The following CNTN4 variants were observed in gnomAD, a reference collection of about 807,000 sequenced individuals.
CNTN4 encodes contactin-4.
CNTN4 carries 77 observed loss-of-function variants against 122.5 expected under a neutral mutation model. The ratio of observed to expected loss-of-function variants is 0.63; its 90% CI spans 0.52 to 0.76. The LOEUF is 0.76. CNTN4 is among the 30% of genes least tolerant of loss of function. CNTN4 has a pLI of 0.00. For missense variants in CNTN4, 1,256 were observed against 1,259.1 expected (o/e 1.00, Z 0.04); for synonymous variants, 512 against 447.0 (o/e 1.15, Z -1.83).
intron 2 of CNTN4, among the ~76,000 whole-genome samples, chr3:2,275,878 C>T (rs1197057701): frequency 1.4e-5 from 2 of 144,548 alleles, no homozygotes; most frequent in East Asian, 4.0e-4. Context: ...CGAGATTGTG[C>T]CACTGCACTC....
chr3:2,378,821 A>G (rs2045915737), intron 3 of CNTN4, among the ~76,000 whole-genome samples: 1 of 151,896 alleles, frequency 6.6e-6, no homozygotes, highest in African/African-American at 2.4e-5. Flanking sequence ...TAGGAAGAGG[A>G]GAATTTGTGT....
chr3:2,377,410 C>A (rs546717459), intron 3 of CNTN4, among the ~76,000 whole-genome samples: 1 of 152,320 alleles, frequency 6.6e-6, no homozygotes, highest in East Asian at 1.9e-4. Context: ...CTAGCTTCCT[C>A]ACCCACACAC....
chr3:2,848,102 T>C (rs749683735), intron 7 of CNTN4, among the ~76,000 whole-genome samples: 3 of 151,992 alleles, frequency 2.0e-5, no homozygotes, highest in Admixed American at 6.6e-5. Flanking sequence ...AAAAAAAATA[T>C]TAGCTGGGCA....
intron 2 of CNTN4, among the ~76,000 whole-genome samples, chr3:2,229,237 G>T (rs1353185680): frequency 1.3e-5 from 2 of 152,156 alleles, no homozygotes; most frequent in African/African-American, 2.4e-5. Context: ...CACAGTAAAT[G>T]ATTATTGCAT....
intron 6 of CNTN4, among the ~76,000 whole-genome samples, chr3:2,753,453 C>A (rs993137421): frequency 6.6e-6 from 1 of 152,168 alleles, no homozygotes; most frequent in African/African-American, 2.4e-5. Context: ...GTTCTCAACA[C>A]AACCCAATGA....
At chr3:2,851,448 T>C (rs2093548944) in intron 7 of CNTN4, among the ~76,000 whole-genome samples, 1 of 152,204 alleles carries the variant, frequency 6.6e-6, no homozygotes. Context: ...ATAGATCAAT[T>C]AAAACTCCTT....
chr3:2,939,876 C>T (rs1173227314), intron 13 of CNTN4, among the ~76,000 whole-genome samples: 1 of 152,226 alleles, frequency 6.6e-6, no homozygotes, highest in South Asian at 2.1e-4. Context: ...CCATTCCCAG[C>T]TCTCTGTTCA....
At chr3:2,714,486 A>T (rs562833412) in intron 4 of CNTN4, among the ~76,000 whole-genome samples, 2 of 152,188 alleles carry the variant, frequency 1.3e-5, no homozygotes, top group African/African-American at 4.8e-5. Context: ...TATGCCAAAA[A>T]AGAACCTAAG....
chr3:2,447,030 T>G lies in CNTN4; in HGVS notation c.-89+107797T>G, dbSNP rs545455604. On this transcript the variant is annotated intron_variant, in intron 3 of 24. Transcript: ENST00000418658. Reference sequence around the variant, plus strand: ...ATGCAACAAAAGACATGTCATATTTTATCTTTCAATTTAAGAAAAAATTAT... The same window carrying G: ...ATGCAACAAAAGACATGTCATATTTGATCTTTCAATTTAAGAAAAAATTAT... 5.3e-5 allele frequency among the ~76,000 whole-genome samples: 8 copies of G among 152,342 alleles called. No homozygotes were observed. In the South Asian group the frequency reaches 1.7e-3, roughly 32 times the overall value.
At chr3:2,871,613 A>G (rs1200418464) in intron 8 of CNTN4, among the ~76,000 whole-genome samples, 3 of 152,142 alleles carry the variant, frequency 2.0e-5, no homozygotes, top group Non-Finnish European at 4.4e-5. Flanking sequence ...ATGCAATTTT[A>G]TATCTTTATT....
At chr3:2,100,820 T>C (rs957699740) in intron 2 of CNTN4, among the ~76,000 whole-genome samples, 181 bp downstream of exon 2, 2 of 152,224 alleles carry the variant, frequency 1.3e-5, no homozygotes, top group African/African-American at 4.8e-5. Flanking sequence ...TCAACTGCTC[T>C]GTCTTGTTGA....
intron 3 of CNTN4, among the ~76,000 whole-genome samples, chr3:2,379,685 T>G (rs2045945889): frequency 6.6e-6 from 1 of 152,226 alleles, no homozygotes; most frequent in African/African-American, 2.4e-5. Context: ...TTTTTCAGGC[T>G]ATTTGATCTT....
chr3:2,324,502 T>G (rs530790587), intron 2 of CNTN4, among the ~76,000 whole-genome samples: 1 of 152,298 alleles, frequency 6.6e-6, no homozygotes, highest in Non-Finnish European at 1.5e-5. Context: ...GTGCTTTCTT[T>G]TGGGTATTGT....
At chr3:2,213,051 A>C (rs903066483) in intron 2 of CNTN4, among the ~76,000 whole-genome samples, 1 of 152,194 alleles carries the variant, frequency 6.6e-6, no homozygotes, top group African/African-American at 2.4e-5. Flanking sequence ...AATGGGCATC[A>C]ATCTCATAAA....
chr3:2,213,619 G>A (rs1003520512), intron 2 of CNTN4, among the ~76,000 whole-genome samples: 6 of 152,070 alleles, frequency 3.9e-5, no homozygotes, highest in African/African-American at 1.4e-4. Flanking sequence ...GCAGGGTAAG[G>A]GTTTCTCTTG....
chr3:2,484,898 C>T (rs570486342), intron 3 of CNTN4, among the ~76,000 whole-genome samples: 22 of 152,262 alleles, frequency 1.4e-4, no homozygotes, highest in African/African-American at 5.1e-4. Context: ...CCTCTGCTTG[C>T]GGGAAGGTGT....
At chr3:2,854,928 A>G (rs949551096) in intron 7 of CNTN4, among the ~76,000 whole-genome samples, 6 of 152,210 alleles carry the variant, frequency 3.9e-5, no homozygotes, top group Non-Finnish European at 5.9e-5. Flanking sequence ...TAAAGTAAGA[A>G]GACAGATTTT....
intron 3 of CNTN4, among the ~76,000 whole-genome samples, chr3:2,346,908 A>C (rs959177439): frequency 1.3e-5 from 2 of 152,182 alleles, no homozygotes; most frequent in African/African-American, 4.8e-5. Flanking sequence ...ATTTATGTGA[A>C]TATTGGTATT....
intron 2 of CNTN4, among the ~76,000 whole-genome samples, chr3:2,103,031 G>C (rs1440975715): frequency 1.3e-5 from 2 of 151,300 alleles, no homozygotes; most frequent in African/African-American, 2.4e-5. Context: ...AAAGCACATT[G>C]CCCTACTTTG....
Sources: gnomAD v4.1 joint callset for allele counts (sites outside exome capture counted in the v4.1 genomes callset) on GRCh38, gnomAD v4.1.1 for gene constraint, MANE v1.5 for transcripts, NCBI Gene and HGNC (gene_info 2026-07-23, HGNC 2026-07-21) for gene names.